The following TUT7 variants were observed in gnomAD, a reference collection of about 807,000 sequenced individuals.
The protein encoded by TUT7 is terminal uridylyl transferase 7.
Under a neutral mutation model 165.9 loss-of-function variants are expected in TUT7, and 33 were observed. The ratio of observed to expected loss-of-function variants is 0.20; its 90% CI spans 0.15 to 0.27. TUT7 has a LOEUF of 0.27. Among genes scored for constraint, TUT7 ranks in the 10% least tolerant of loss-of-function variants. The pLI is 1.00. For synonymous variants in TUT7, 552 were observed against 608.1 expected (o/e 0.91, Z 1.36); for missense variants, 1,338 against 1,762.3 (o/e 0.76, Z 4.31).
intron 2 of TUT7, among the ~76,000 whole-genome samples, chr9:86,348,915 A>G (rs1832022014): frequency 1.3e-5 from 2 of 152,168 alleles, no homozygotes; most frequent in Admixed American, 6.5e-5. Context: ...ACCTACTTTC[A>G]CAGGCATGCA....
At chr9:86,308,305 G>T in intron 22 of TUT7, 124 bp downstream of exon 22, 1 of 809,546 alleles carries the variant, frequency 1.2e-6, no homozygotes, top group Non-Finnish European at 1.8e-6. Context: ...GGCCTGGTAT[G>T]GACAATGAGA....
At chr9:86,301,206 A>G (rs1826859345) in intron 26 of TUT7, 70 bp downstream of exon 26, 1 of 1,308,952 alleles carries the variant, frequency 7.6e-7, no homozygotes, top group African/African-American at 1.5e-5. Flanking sequence ...CTAAAATAGT[A>G]AAGAGCTCTA....
chr9:86,293,573 G>T (rs982639501), intron 26 of TUT7, among the ~76,000 whole-genome samples: 3 of 152,172 alleles, frequency 2.0e-5, no homozygotes, highest in Non-Finnish European at 4.4e-5. Context: ...TGAAGTCAGG[G>T]TATGGGAAAC....
intron 14 of TUT7, among the ~76,000 whole-genome samples, chr9:86,319,896 G>T (rs1254808651): frequency 3.3e-5 from 5 of 152,128 alleles, no homozygotes; most frequent in Non-Finnish European, 5.9e-5. Flanking sequence ...GCAGTAGTGT[G>T]ATCTTAGCTT....
At position 86,308,721 on chromosome 9, in the gene TUT7, T is replaced by G. The variant is rs1159608439; in HGVS notation, c.3661-115A>C. ...TTATTTCTAATTAACTAGAGCTCAA[T>G]TATGCAACTTTTCTTTCATATTTAA... is the stretch of plus-strand genomic sequence containing the variant. On this transcript the variant is annotated intron_variant, in intron 21 of 26. Coordinates refer to ENST00000375963, the MANE Select transcript of TUT7 (RefSeq NM_024617.4). 6 of 795,038 alleles carry G rather than the reference T, an allele frequency of 7.5e-6. No homozygotes were observed. The Admixed American group carries it at 1.5e-4, about 20-fold the overall frequency. The allele number at this position is 795,038 out of a possible 1,614,324, so 49.2% of individuals were successfully genotyped here.
chr9:86,296,333 C>T (rs543558161), intron 26 of TUT7, among the ~76,000 whole-genome samples: 3 of 152,316 alleles, frequency 2.0e-5, no homozygotes, highest in Non-Finnish European at 4.4e-5. Flanking sequence ...CACTCTAAAA[C>T]TCATGTTCTT....
chr9:86,302,688 C>A (rs1827056049), intron 25 of TUT7, among the ~76,000 whole-genome samples: 1 of 148,176 alleles, frequency 6.7e-6, no homozygotes, highest in Non-Finnish European at 1.5e-5. Context: ...GTGATTTGGG[C>A]TCACTGCAAT....
At chr9:86,344,920 G>T in intron 5 of TUT7, 57 bp downstream of exon 5, 1 of 1,396,002 alleles carries the variant, frequency 7.2e-7, no homozygotes, top group Non-Finnish European at 9.8e-7. Context: ...CTATTGGTAG[G>T]AGAAATGAAT....
intron 6 of TUT7, among the ~76,000 whole-genome samples, chr9:86,342,453 T>C (rs1315919215): frequency 1.3e-5 from 2 of 152,194 alleles, no homozygotes; most frequent in African/African-American, 4.8e-5. Flanking sequence ...CAGGCTGGAA[T>C]GCAGTGGCAA....
Position 86,311,933 on chromosome 9 carries a change from C to T in TUT7, c.3275-1124G>A, listed in dbSNP as rs1430864254. On this transcript the variant is annotated intron_variant, in intron 17 of 26. Transcript: ENST00000375963. The surrounding 1 kb of genome is among the most constrained non-coding windows in gnomAD (Gnocchi z 4.4). ...TCGTTCACTCAGTGCTCAATGGTGC[C>T]CAGGCTGGAGTGCAGTGGCGTGATC... Among the ~76,000 whole-genome samples, 3 of 152,184 alleles carry T rather than the reference C, an allele frequency of 2.0e-5. No individual in the cohort carries two copies. The highest frequency in any genetic ancestry group is 4.4e-5 in the Non-Finnish European group (3 of 68,034).
intron 26 of TUT7, among the ~76,000 whole-genome samples, chr9:86,291,152 C>T (rs1825866972): frequency 1.3e-5 from 2 of 152,012 alleles, no homozygotes; most frequent in African/African-American, 4.8e-5. Flanking sequence ...CAGGTAGACA[C>T]TTGAAATTTA....
intron 26 of TUT7, among the ~76,000 whole-genome samples, chr9:86,297,124 C>T (rs1018822051): frequency 6.6e-6 from 1 of 152,128 alleles, no homozygotes; most frequent in Non-Finnish European, 1.5e-5. Flanking sequence ...TCGTAACTTA[C>T]TGTCAATGCT....
chr9:86,300,258 CT>C (rs1308791691), intron 26 of TUT7, among the ~76,000 whole-genome samples: 1 of 152,000 alleles, frequency 6.6e-6, no homozygotes, highest in Non-Finnish European at 1.5e-5. Context: ...ATCTAAAAAT[CT>C]CCTGTCTTAA....
chr9:86,343,171 A>G lies in TUT7; in HGVS notation c.998-8T>C. ...ATAATCTTAGGGAACAATCTAAAAA[A>G]TAAATAAATAAATAAAAGTAATAAA... is the stretch of plus-strand genomic sequence containing the variant. On this transcript the variant is annotated splice_region_variant and splice_polypyrimidine_tract_variant and intron_variant, in intron 5 of 26. Transcript: ENST00000375963. The G allele has an allele frequency of 6.9e-7, 1 of 1,450,642 alleles. No homozygotes were observed. Among genetic ancestry groups the G allele is most frequent in the Non-Finnish European group, 9.3e-7 (1 of 1,072,112 alleles). 89.9% of individuals were successfully genotyped at this position (1,450,642 alleles called of 1,614,324 possible).
intron 3 of TUT7, 40 bp downstream of exon 3, chr9:86,346,259 C>T (rs1420430372): frequency 6.3e-7 from 1 of 1,579,660 alleles, no homozygotes; most frequent in South Asian, 1.1e-5. Context: ...GAGGCTAAAA[C>T]CAGGATTCTA....
At chr9:86,330,622 T>G (rs1017926223) in intron 10 of TUT7, among the ~76,000 whole-genome samples, 1 of 152,218 alleles carries the variant, frequency 6.6e-6, no homozygotes, top group Non-Finnish European at 1.5e-5. Flanking sequence ...TTAATGTTTT[T>G]CTTTATTGAT....
chr9:86,349,619 T>A (rs1440093061), intron 2 of TUT7, among the ~76,000 whole-genome samples: 2 of 152,232 alleles, frequency 1.3e-5, no homozygotes, highest in East Asian at 3.8e-4. Flanking sequence ...TCTCACATTG[T>A]TGAATAATAC....
intron 26 of TUT7, among the ~76,000 whole-genome samples, chr9:86,291,167 A>G (rs2131251348): frequency 6.6e-6 from 1 of 152,318 alleles, no homozygotes; most frequent in South Asian, 2.1e-4. Context: ...AATTTATATA[A>G]TAATAAAAGA....
chr9:86,310,840 A>G, intron 17 of TUT7, 31 bp from the exon 18 acceptor site: 4 of 1,246,924 alleles, frequency 3.2e-6, no homozygotes, highest in Non-Finnish European at 3.5e-6. Context: ...TTATCATTAA[A>G]TACAGCAGCT....
Sources: gnomAD v4.1 joint callset for allele counts (sites outside exome capture counted in the v4.1 genomes callset) on GRCh38, gnomAD v4.1.1 for gene constraint, Gnocchi (gnomAD v3.1) non-coding constraint, MANE v1.5 for transcripts, NCBI Gene and HGNC (gene_info 2026-07-23, HGNC 2026-07-21) for gene names.